LARP4: variants seen among roughly 807,000 people sequenced by gnomAD.
LARP4 encodes la-related protein 4.
A neutral mutation model predicts 92.9 loss-of-function variants in LARP4; 29 were observed. That is an observed-to-expected ratio of 0.31 (90% CI 0.23 to 0.43). The LOEUF (loss-of-function observed/expected upper bound fraction) is 0.43. LARP4 is among the 20% of genes least tolerant of loss of function. The pLI is 1.00. For synonymous variants in LARP4, 279 were observed against 284.1 expected, an observed-to-expected ratio of 0.98 and a Z score of 0.18; for missense variants, 732 against 860.0, an observed-to-expected ratio of 0.85 and a Z score of 1.86.
intron 1 of LARP4, among the ~76,000 whole-genome samples, chr12:50,416,836 G>A (rs1946879960): frequency 1.3e-5 from 2 of 151,894 alleles, no homozygotes; most frequent in Admixed American, 1.3e-4. Flanking sequence ...AATTTGCCAG[G>A]TGTGGTGGCA....
intron 10 of LARP4, among the ~76,000 whole-genome samples, chr12:50,455,393 G>A (rs1489426450): frequency 1.3e-5 from 2 of 152,068 alleles, no homozygotes; most frequent in Non-Finnish European, 2.9e-5. Context: ...AAAGAATAAA[G>A]GACTGACATA....
chr12:50,447,425 A>G (rs1254447497), intron 8 of LARP4, among the ~76,000 whole-genome samples: 2 of 152,226 alleles, frequency 1.3e-5, no homozygotes, highest in African/African-American at 2.4e-5. Flanking sequence ...CAAGCAGTGC[A>G]TAAAATGGTC....
chr12:50,470,890 G>A (rs1461166333), intron 13 of LARP4, among the ~76,000 whole-genome samples: 1 of 152,088 alleles, frequency 6.6e-6, no homozygotes, highest in African/African-American at 2.4e-5. Flanking sequence ...GCCTCATTCT[G>A]CATTGACAGA....
chr12:50,412,903 G>A (rs1565944339), intron 1 of LARP4, among the ~76,000 whole-genome samples: 1 of 152,060 alleles, frequency 6.6e-6, no homozygotes, highest in East Asian at 1.9e-4. Context: ...TTTGATGGCG[G>A]TCTAAACTGT....
intron 8 of LARP4, among the ~76,000 whole-genome samples, chr12:50,448,175 G>A (rs1952538879): frequency 6.6e-6 from 1 of 152,048 alleles, no homozygotes; most frequent in South Asian, 2.1e-4. Flanking sequence ...CCAGCCCCCA[G>A]TTTTAAAATT....
At chr12:50,474,336 A>C (rs984573435) in intron 15 of LARP4, among the ~76,000 whole-genome samples, 169 bp downstream of exon 15, 16 of 151,956 alleles carry the variant, frequency 1.1e-4, no homozygotes, top group Non-Finnish European at 1.8e-4. Context: ...AGAGATGGAA[A>C]GTTTTAGGCT....
At chr12:50,432,459 G>A (rs997541385) in intron 4 of LARP4, among the ~76,000 whole-genome samples, 2 of 152,074 alleles carry the variant, frequency 1.3e-5, no homozygotes, top group Non-Finnish European at 2.9e-5. Context: ...TTAGAGCTTG[G>A]CAGTTTTGTG....
intron 1 of LARP4, among the ~76,000 whole-genome samples, chr12:50,409,305 G>A (rs1279741018): frequency 2.0e-5 from 3 of 152,104 alleles, no homozygotes; most frequent in South Asian, 2.1e-4. Context: ...GTAAATTGAG[G>A]ACAATAATAT....
chr12:50,466,140 G>A (rs1157969416), intron 12 of LARP4, among the ~76,000 whole-genome samples: 1 of 152,190 alleles, frequency 6.6e-6, no homozygotes, highest in Non-Finnish European at 1.5e-5. Flanking sequence ...CATTGTTGAA[G>A]GCATTGGTGA....
rs144142162 is a variant in LARP4, at chr12:50,443,779, A to G, written c.804+2136A>G. 5.9e-4 allele frequency among the ~76,000 whole-genome samples: 89 copies of G among 151,810 alleles called. No individual in the cohort carries two copies. In the East Asian group the frequency reaches 0.016, roughly 28 times the overall value. ...GGTGCCTAACAACCACGCCCAGCTA[A>G]TTTTTGTATTTTTAGTAGAGACGGG... On this transcript the variant is annotated intron_variant, in intron 8 of 15. Transcript: ENST00000398473.
intron 14 of LARP4, among the ~76,000 whole-genome samples, 176 bp from the exon 15 acceptor site, chr12:50,473,823 T>TGGGGGTGGGTG (rs1957227549): frequency 5.5e-5 from 1 of 18,094 alleles, no homozygotes; most frequent in Non-Finnish European, 1.3e-4. Context: ...GTGGGGGGGG[T>TGGGGGTGGGTG]GGGGGGTGCG....
chr12:50,407,952 C>G (rs1165098559), intron 1 of LARP4, among the ~76,000 whole-genome samples: 1 of 152,122 alleles, frequency 6.6e-6, no homozygotes, highest in Admixed American at 6.6e-5. Flanking sequence ...AGTATGTACT[C>G]ATCTTTCCTG....
At chr12:50,442,561 C>T (rs1442405781) in intron 8 of LARP4, among the ~76,000 whole-genome samples, 5 of 152,136 alleles carry the variant, frequency 3.3e-5, no homozygotes, top group East Asian at 3.9e-4. Flanking sequence ...ACACTTAGTT[C>T]GACTTGATCC....
intron 8 of LARP4, among the ~76,000 whole-genome samples, 175 bp from the exon 9 acceptor site, chr12:50,453,285 C>T (rs1025706308): frequency 2.6e-5 from 4 of 151,376 alleles, no homozygotes; most frequent in African/African-American, 7.3e-5. Flanking sequence ...ACCATGAAAA[C>T]GTTTTTATTA....
chr12:50,428,247 C>T (rs543099600), intron 2 of LARP4, among the ~76,000 whole-genome samples: 1 of 152,084 alleles, frequency 6.6e-6, no homozygotes, highest in Middle Eastern at 3.4e-3. Flanking sequence ...AGGCTGGTCT[C>T]GAACTCCTGA....
At chr12:50,458,050 A>G (rs1303651083) in intron 10 of LARP4, among the ~76,000 whole-genome samples, 1 of 151,164 alleles carries the variant, frequency 6.6e-6, no homozygotes, top group Non-Finnish European at 1.5e-5. Context: ...TCTCCACCTC[A>G]GCCTTCCTAG....
chr12:50,430,169 G>A (rs1949435070), intron 3 of LARP4, among the ~76,000 whole-genome samples: 1 of 151,996 alleles, frequency 6.6e-6, no homozygotes, highest in Admixed American at 6.6e-5. Context: ...AACAGTCTGG[G>A]CAACATAATG....
chr12:50,464,332 A>G (rs1047054991), intron 12 of LARP4, among the ~76,000 whole-genome samples: 1 of 152,264 alleles, frequency 6.6e-6, no homozygotes, highest in African/African-American at 2.4e-5. Context: ...ACATGGCAGA[A>G]GTAGGAGAGA....
In LARP4 at chr12:50,461,945, G is replaced by A. The variant is rs148778927; in HGVS notation, c.1334+598G>A. Among the ~76,000 whole-genome samples the A allele has an allele frequency of 3.6e-4, 55 of 152,108 alleles. No individual in the cohort carries two copies. The East Asian group carries it at 9.1e-3, about 25-fold the overall frequency. On this transcript the variant is annotated intron_variant, in intron 11 of 15. Coordinates refer to ENST00000398473, the MANE Select transcript of LARP4 (RefSeq NM_052879.5). ...TGCATTCCAGCCTGGGTGACAGAGC[G>A]CGACTCTGTCTCAAAATATAAATAA...
Sources: gnomAD v4.1 joint callset for allele counts (sites outside exome capture counted in the v4.1 genomes callset) on GRCh38, gnomAD v4.1.1 for gene constraint, MANE v1.5 for transcripts, NCBI Gene and HGNC (gene_info 2026-07-23, HGNC 2026-07-21) for gene names.